MAN2A1: variants seen among roughly 807,000 people sequenced by gnomAD.
The protein encoded by MAN2A1 is mannosidase alpha class 2A member 1.
MAN2A1 carries 76 observed loss-of-function variants against 142.6 expected under a neutral mutation model. That is an observed-to-expected ratio of 0.53 (90% CI 0.44 to 0.65). MAN2A1 has a LOEUF of 0.65. Ranked by LOEUF, MAN2A1 falls within the 30% of genes least tolerant of loss-of-function variation. The pLI is 0.00. For missense variants in MAN2A1, 1,311 were observed against 1,365.1 expected, an observed-to-expected ratio of 0.96 and a Z score of 0.62; for synonymous variants, 559 against 473.2, an observed-to-expected ratio of 1.18 and a Z score of -2.35.
At chr5:109,709,495 C>T (rs1370785345) in intron 1 of MAN2A1, among the ~76,000 whole-genome samples, 1 of 152,164 alleles carries the variant, frequency 6.6e-6, no homozygotes, top group Non-Finnish European at 1.5e-5. Context: ...GGAGAAGATA[C>T]ACAGATTCAG....
At chr5:109,735,854 T>C (rs1446775258) in intron 4 of MAN2A1, among the ~76,000 whole-genome samples, 1 of 150,976 alleles carries the variant, frequency 6.6e-6, no homozygotes, top group Non-Finnish European at 1.5e-5. Context: ...TGGGGAGAAT[T>C]GACTTTTTAT....
chr5:109,850,960 A>G (rs527897965), intron 19 of MAN2A1, among the ~76,000 whole-genome samples: 1 of 152,322 alleles, frequency 6.6e-6, no homozygotes, highest in South Asian at 2.1e-4. Flanking sequence ...GATGAAAGTT[A>G]ATACCATGTA....
At chr5:109,836,785 A>C (rs1755068350) in intron 16 of MAN2A1, among the ~76,000 whole-genome samples, 1 of 152,154 alleles carries the variant, frequency 6.6e-6, no homozygotes, top group South Asian at 2.1e-4. Flanking sequence ...ATAAAGTAAA[A>C]TTCCTCTGGC....
chr5:109,729,767 C>T lies in MAN2A1; in HGVS notation c.707+254C>T, dbSNP rs190690621. Reference sequence around the variant, plus strand: ...TAGCACTTTGGGAGGCCGAGGTGGGCGGATCACCTGAGGGCAGGAGTTCAA... The same window carrying T: ...TAGCACTTTGGGAGGCCGAGGTGGGTGGATCACCTGAGGGCAGGAGTTCAA... On this transcript the variant is annotated intron_variant, in intron 4 of 21. Coordinates refer to ENST00000261483, the MANE Select transcript of MAN2A1 (RefSeq NM_002372.4). Among the ~76,000 whole-genome samples, 7 of 152,174 alleles carry T rather than the reference C, an allele frequency of 4.6e-5. No individual in the cohort carries two copies. In the East Asian group the frequency reaches 5.8e-4, roughly 13 times the overall value.
intron 1 of MAN2A1, among the ~76,000 whole-genome samples, chr5:109,708,509 G>GACACACACACACACAC (rs145989678): frequency 0.022 from 2,701 of 124,504 alleles, 82 homozygotes; most frequent in East Asian, 0.048. Flanking sequence ...GAACTGATAG[G>GACACACACACACACAC]ACACACACAC....
At chr5:109,788,814 A>T (rs1753664243) in intron 10 of MAN2A1, 120 bp from the exon 11 acceptor site, 2 of 600,854 alleles carry the variant, frequency 3.3e-6, no homozygotes, top group Non-Finnish European at 6.0e-6. Flanking sequence ...GATTCATTAT[A>T]GGTTTCACTT....
intron 1 of MAN2A1, among the ~76,000 whole-genome samples, chr5:109,710,479 T>C (rs1751267517): frequency 6.6e-6 from 1 of 152,156 alleles, no homozygotes; most frequent in African/African-American, 2.4e-5. Flanking sequence ...TGTAGTATTA[T>C]AATATTGTAA....
At chr5:109,694,671 A>G (rs1363906372) in intron 1 of MAN2A1, among the ~76,000 whole-genome samples, 1 of 139,404 alleles carries the variant, frequency 7.2e-6, no homozygotes, top group African/African-American at 2.7e-5. Flanking sequence ...TTTTTTTTTT[A>G]ACTTACTGTA....
At chr5:109,714,119 C>G (rs1033035247) in intron 2 of MAN2A1, among the ~76,000 whole-genome samples, 1 of 151,332 alleles carries the variant, frequency 6.6e-6, no homozygotes, top group African/African-American at 2.4e-5. Flanking sequence ...ACAAGAAAAT[C>G]CATGTTCTTA....
intron 21 of MAN2A1, among the ~76,000 whole-genome samples, chr5:109,865,704 CAT>C (rs1396845729): frequency 6.6e-6 from 1 of 152,218 alleles, no homozygotes; most frequent in Non-Finnish European, 1.5e-5. Flanking sequence ...TGCAGATTTG[CAT>C]ATGAGTCAAC....
chr5:109,773,543 G>T (rs145238162), intron 7 of MAN2A1, among the ~76,000 whole-genome samples: 108 of 151,656 alleles, frequency 7.1e-4, no homozygotes, highest in African/African-American at 2.5e-3. Context: ...AAAGTGTTTT[G>T]GCAAATGTGG....
chr5:109,821,694 T>A (rs941610543), intron 15 of MAN2A1, among the ~76,000 whole-genome samples: 1 of 152,124 alleles, frequency 6.6e-6, no homozygotes, highest in Non-Finnish European at 1.5e-5. Flanking sequence ...GTACCTTCAT[T>A]TATCTTTCAT....
intron 20 of MAN2A1, among the ~76,000 whole-genome samples, chr5:109,857,175 T>G (rs1755646432): frequency 1.3e-5 from 2 of 152,234 alleles, no homozygotes; most frequent in South Asian, 4.1e-4. Flanking sequence ...GAGAGATATG[T>G]GGCCAGAACA....
rs185267498 is a variant in MAN2A1 at position 109,701,381 on chromosome 5, C to T, written c.135+10829C>T. On this transcript the variant is annotated intron_variant, in intron 1 of 21. Coordinates refer to ENST00000261483, the MANE Select transcript of MAN2A1 (RefSeq NM_002372.4). ...TTGGCTTGATTTAGAATCTTTGGTG[C>T]CTGTGAAGAGTAGTTGGGAAAACAC... Among the ~76,000 whole-genome samples the T allele has an allele frequency of 9.9e-5, 15 of 152,164 alleles. 1 individual carries two copies. The highest frequency in any genetic ancestry group is 3.4e-4 in the African/African-American group (14 of 41,508).
intron 10 of MAN2A1, among the ~76,000 whole-genome samples, chr5:109,785,403 A>G (rs890602793): frequency 2.0e-5 from 3 of 151,726 alleles, no homozygotes; most frequent in African/African-American, 4.8e-5. Context: ...AAGCATAGCC[A>G]GGAAGGAAAA....
intron 12 of MAN2A1, among the ~76,000 whole-genome samples, chr5:109,805,774 A>G (rs1232324262): frequency 1.3e-5 from 2 of 152,212 alleles, no homozygotes; most frequent in Non-Finnish European, 2.9e-5. Context: ...ATCATTTATA[A>G]AGCAATCATT....
intron 21 of MAN2A1, among the ~76,000 whole-genome samples, chr5:109,865,972 A>C (rs941568399): frequency 6.6e-6 from 1 of 152,100 alleles, no homozygotes; most frequent in African/African-American, 2.4e-5. Flanking sequence ...CTCATAAATA[A>C]TGCTGTAGAC....
intron 5 of MAN2A1, 41 bp from the exon 6 acceptor site, chr5:109,767,494 T>A: frequency 6.5e-7 from 1 of 1,541,600 alleles, no homozygotes; most frequent in Non-Finnish European, 8.9e-7. Flanking sequence ...TTATTTCATA[T>A]ATCAATTAAA....
chr5:109,705,868 G>A (rs1209456514), intron 1 of MAN2A1, among the ~76,000 whole-genome samples: 4 of 152,082 alleles, frequency 2.6e-5, no homozygotes, highest in African/African-American at 9.7e-5. Context: ...GATTTCTTGT[G>A]TCCTCACATC....
Sources: gnomAD v4.1 joint callset for allele counts (sites outside exome capture counted in the v4.1 genomes callset) on GRCh38, gnomAD v4.1.1 for gene constraint, MANE v1.5 for transcripts, NCBI Gene and HGNC (gene_info 2026-07-23, HGNC 2026-07-21) for gene names.